TCF12: variants seen among roughly 807,000 people sequenced by gnomAD.
The protein encoded by TCF12 is DNA-binding protein HTF4.
Under a neutral mutation model 86.0 loss-of-function variants are expected in TCF12, and 45 were observed. That is an observed-to-expected ratio of 0.52 (90% CI 0.41 to 0.67). The LOEUF is 0.67. Among genes scored for constraint, TCF12 ranks in the 30% least tolerant of loss-of-function variants. The pLI is 0.00. For synonymous variants in TCF12, 330 were observed against 299.6 expected (o/e 1.10, Z -1.05); for missense variants, 881 against 859.9 (o/e 1.02, Z -0.31).
chr15:57,172,091 A>G (rs1162239878), intron 6 of TCF12, among the ~76,000 whole-genome samples: 1 of 152,130 alleles, frequency 6.6e-6, no homozygotes, highest in East Asian at 1.9e-4. Flanking sequence ...AGCTTATACC[A>G]TTTGGTTTTT....
intron 3 of TCF12, among the ~76,000 whole-genome samples, chr15:56,987,373 C>T (rs2063245754): frequency 6.6e-6 from 1 of 152,098 alleles, no homozygotes; most frequent in Non-Finnish European, 1.5e-5. Flanking sequence ...CCTTGGCCTC[C>T]CAAAGTGCAG....
chr15:57,251,011 GA>G (rs1253966832), intron 13 of TCF12, among the ~76,000 whole-genome samples: 5 of 151,470 alleles, frequency 3.3e-5, no homozygotes, highest in Admixed American at 6.7e-5. Flanking sequence ...AATGCTATAG[GA>G]AGGGGGACAG....
chr15:57,285,711 G>A (rs960514487), intron 20 of TCF12, among the ~76,000 whole-genome samples: 7 of 152,258 alleles, frequency 4.6e-5, no homozygotes, highest in Admixed American at 2.0e-4. Flanking sequence ...GCATCATTGC[G>A]GCAGCTGTTT....
intron 3 of TCF12, among the ~76,000 whole-genome samples, chr15:57,028,313 T>G (rs1200084439): frequency 2.0e-5 from 3 of 152,214 alleles, no homozygotes; most frequent in Non-Finnish European, 4.4e-5. Context: ...CTTCATAGCC[T>G]TATGAAAATG....
At chr15:57,075,806 C>CTTTCTTTCTT (rs59769575) in intron 4 of TCF12, among the ~76,000 whole-genome samples, 725 of 67,740 alleles carry the variant, frequency 0.011, 5 homozygotes, top group Non-Finnish European at 0.013. Flanking sequence ...TTCTTTCTTT[C>CTTTCTTTCTT]TCTCTCTCTC....
At chr15:56,984,909 A>C (rs1373385485) in intron 3 of TCF12, among the ~76,000 whole-genome samples, 1 of 152,204 alleles carries the variant, frequency 6.6e-6, no homozygotes, top group African/African-American at 2.4e-5. Flanking sequence ...AGATTGTGCT[A>C]AGACACCGTG....
intron 3 of TCF12, among the ~76,000 whole-genome samples, chr15:56,954,179 G>C (rs571949374): frequency 2.8e-4 from 42 of 151,918 alleles, no homozygotes; most frequent in African/African-American, 9.9e-4. Context: ...ATTTAGAAGT[G>C]TGTTATTCAT....
At chr15:57,197,682 G>C in intron 7 of TCF12, 91 bp from the exon 8 acceptor site, 1 of 1,443,472 alleles carries the variant, frequency 6.9e-7, no homozygotes, top group Non-Finnish European at 9.5e-7. Context: ...AAACAAGAAA[G>C]ACGCTAGGGG....
chr15:57,109,089 G>GATGAAGTGGCCA (rs2050320921), intron 5 of TCF12, among the ~76,000 whole-genome samples: 1 of 152,142 alleles, frequency 6.6e-6, no homozygotes, highest in Non-Finnish European at 1.5e-5. Flanking sequence ...TTAAAAAGAG[G>GATGAAGTGGCCA]TTTAGGATGA....
chr15:57,079,875 T>TTAAA (rs1377149574), intron 4 of TCF12, among the ~76,000 whole-genome samples: 1 of 152,168 alleles, frequency 6.6e-6, no homozygotes, highest in East Asian at 1.9e-4. Context: ...GATATTTTCT[T>TTAAA]TAAATAAATC....
At chr15:57,008,412 G>C (rs936274671) in intron 3 of TCF12, among the ~76,000 whole-genome samples, 1 of 134,784 alleles carries the variant, frequency 7.4e-6, no homozygotes, top group Non-Finnish European at 1.6e-5. Flanking sequence ...GTTTTGCTCT[G>C]TTACCCATGT....
intron 3 of TCF12, among the ~76,000 whole-genome samples, chr15:56,921,760 T>C (rs1361883534): frequency 5.9e-5 from 9 of 152,014 alleles, no homozygotes. Context: ...ATGGGTGCTT[T>C]TTATTTCCCC....
chr15:57,172,948 A>G (rs1411363258), intron 6 of TCF12, among the ~76,000 whole-genome samples: 2 of 151,636 alleles, frequency 1.3e-5, no homozygotes, highest in African/African-American at 4.9e-5. Flanking sequence ...TAAAATTAAA[A>G]AAAAAAAAAA....
intron 4 of TCF12, among the ~76,000 whole-genome samples, chr15:57,081,620 C>T (rs1156517502): frequency 6.6e-6 from 1 of 152,204 alleles, no homozygotes; most frequent in African/African-American, 2.4e-5. Flanking sequence ...TCACTACAGC[C>T]TCTGCCTCCT....
intron 3 of TCF12, among the ~76,000 whole-genome samples, chr15:56,968,041 C>G (rs2062089720): frequency 6.6e-6 from 1 of 152,108 alleles, no homozygotes; most frequent in Non-Finnish European, 1.5e-5. Flanking sequence ...CCTGCAACCT[C>G]CGCCTCCCAG....
intron 6 of TCF12, among the ~76,000 whole-genome samples, chr15:57,171,970 C>A (rs183982009): frequency 6.6e-6 from 1 of 152,046 alleles, no homozygotes; most frequent in African/African-American, 2.4e-5. Flanking sequence ...GTGGCAGGGT[C>A]TTGGTTTTTT....
In TCF12 at chr15:57,261,260, A is replaced by G. The variant is rs146162536; in HGVS notation, c.1468-834A>G. The stretch of plus-strand genomic sequence containing the variant: ...ATGAGAATAAGTGTAAAAGACAAAC[A>G]TTTCATGGAAAGTGTGGTGGAAGAA... On this transcript the variant is annotated intron_variant, in intron 16 of 20. Transcript: ENST00000333725. Among the ~76,000 whole-genome samples, 45 of 152,302 alleles carry G rather than the reference A, an allele frequency of 3.0e-4. 1 individual carries two copies. In the East Asian group the frequency reaches 6.9e-3, roughly 23 times the overall value.
chr15:56,938,480 T>C (rs968412723), intron 3 of TCF12, among the ~76,000 whole-genome samples: 1 of 152,082 alleles, frequency 6.6e-6, no homozygotes, highest in African/African-American at 2.4e-5. Context: ...TTTTCTGTTG[T>C]GTCCTTTCCT....
chr15:56,985,773 G>A (rs188396111), intron 3 of TCF12, among the ~76,000 whole-genome samples: 7 of 152,046 alleles, frequency 4.6e-5, no homozygotes, highest in African/African-American at 1.7e-4. Flanking sequence ...TTACAATAAC[G>A]TGTTTAATTC....
Sources: allele counts gnomAD v4.1 joint callset (sites outside exome capture counted in the v4.1 genomes callset), GRCh38; gene constraint gnomAD v4.1.1; transcripts MANE v1.5; gene names NCBI Gene and HGNC (gene_info 2026-07-23, HGNC 2026-07-21).